The following ELL2 variants were observed in gnomAD, a reference collection of about 807,000 sequenced individuals.
ELL2 encodes the protein elongation factor for RNA polymerase II 2.
Under a neutral mutation model 72.8 loss-of-function variants are expected in ELL2, and 21 were observed. The ratio of observed to expected loss-of-function variants is 0.29; its 90% confidence interval spans 0.20 to 0.42. The LOEUF is 0.42. Ranked by LOEUF, ELL2 falls within the 10% of genes least tolerant of loss-of-function variation. The pLI, the probability that ELL2 is intolerant of heterozygous loss-of-function variation, is 1.00. For missense variants in ELL2, 568 were observed against 772.8 expected, an observed-to-expected ratio of 0.73 and a Z score of 3.14; for synonymous variants, 266 against 283.2, an observed-to-expected ratio of 0.94 and a Z score of 0.61.
At chr5:95,912,501 G>A (rs879668010) in intron 4 of ELL2, among the ~76,000 whole-genome samples, 2 of 152,186 alleles carry the variant, frequency 1.3e-5, no homozygotes, top group African/African-American at 2.4e-5. Flanking sequence ...GGTAGATCTT[G>A]TGTGTTTTAA....
At chr5:95,907,796 G>A (rs1272139359) in intron 4 of ELL2, among the ~76,000 whole-genome samples, 1 of 152,182 alleles carries the variant, frequency 6.6e-6, no homozygotes, top group Non-Finnish European at 1.5e-5. Context: ...CATACGATGT[G>A]GACAAGTGCA....
At chr5:95,907,865 G>A (rs548136061) in intron 4 of ELL2, among the ~76,000 whole-genome samples, 9 of 152,316 alleles carry the variant, frequency 5.9e-5, no homozygotes, top group Non-Finnish European at 8.8e-5. Context: ...CCTATAAGCT[G>A]TGGTCTGGGG....
intron 5 of ELL2, among the ~76,000 whole-genome samples, chr5:95,905,634 CA>C (rs1749326404): frequency 6.6e-6 from 1 of 151,938 alleles, no homozygotes; most frequent in African/African-American, 2.4e-5. Context: ...GAATTGGAGA[CA>C]ATGGTCTTAC....
Position 95,907,296 on chromosome 5 carries a change from A to ATATTTTTTTTTTT in ELL2, c.482-515_482-514insAAAAAAAAAAATA. On this transcript the variant is annotated intron_variant, in intron 4 of 11. Coordinates refer to ENST00000237853, the MANE Select transcript of ELL2 (RefSeq NM_012081.6). ...GTTAGTGATATATATATATATATAT[A>ATATTTTTTTTTTT]TTTTTTTTTTTTACAGGCCAAGACA... is the stretch of plus-strand genomic sequence containing the variant. Among the ~76,000 whole-genome samples the ATATTTTTTTTTTT allele has an allele frequency of 3.9e-3, 455 of 116,398 alleles. 7 individuals are homozygous for ATATTTTTTTTTTT. Among genetic ancestry groups the ATATTTTTTTTTTT allele is most frequent in the African/African-American group, 0.018 (437 of 24,430 alleles). 76.4% of individuals were successfully genotyped at this position (116,398 alleles called of 152,430 possible).
chr5:95,927,230 A>G (rs1750315468), intron 2 of ELL2, among the ~76,000 whole-genome samples: 1 of 151,430 alleles, frequency 6.6e-6, no homozygotes. Flanking sequence ...TGGATCTGGG[A>G]TGTATTTTGC....
chr5:95,936,293 CTTCTT>C (rs774665973), intron 2 of ELL2, among the ~76,000 whole-genome samples: 1 of 152,202 alleles, frequency 6.6e-6, no homozygotes, highest in Non-Finnish European at 1.5e-5. Flanking sequence ...AGTCATGAAG[CTTCTT>C]TTGAGAAGAG....
chr5:95,935,799 A>C (rs992196526), intron 2 of ELL2, among the ~76,000 whole-genome samples: 1 of 152,222 alleles, frequency 6.6e-6, no homozygotes, highest in African/African-American at 2.4e-5. Flanking sequence ...TCAAGTAATA[A>C]ATACAGAGCC....
At chr5:95,958,251 A>G (rs1299743367) in intron 1 of ELL2, among the ~76,000 whole-genome samples, 5 of 152,236 alleles carry the variant, frequency 3.3e-5, no homozygotes, top group Non-Finnish European at 7.3e-5. Context: ...CATGTTCCCA[A>G]ACAGCAGCTT....
chr5:95,957,076 G>T (rs1279404488), intron 1 of ELL2, among the ~76,000 whole-genome samples: 1 of 152,146 alleles, frequency 6.6e-6, no homozygotes, highest in East Asian at 1.9e-4. Flanking sequence ...TTATGTAATA[G>T]TCAGCAAACA....
At chr5:95,951,665 T>C (rs1426837887) in intron 1 of ELL2, among the ~76,000 whole-genome samples, 2 of 152,032 alleles carry the variant, frequency 1.3e-5, no homozygotes, top group African/African-American at 2.4e-5. Context: ...AAGGGAGCCA[T>C]TGGGGACTTG....
chr5:95,948,478 C>G (rs1292627027), intron 1 of ELL2, among the ~76,000 whole-genome samples: 3 of 133,298 alleles, frequency 2.3e-5, no homozygotes, highest in Non-Finnish European at 4.7e-5. Flanking sequence ...CAGAACTCTA[C>G]ACCACTTATT....
intron 4 of ELL2, among the ~76,000 whole-genome samples, chr5:95,910,423 C>T (rs941686943): frequency 3.3e-5 from 5 of 151,646 alleles, no homozygotes; most frequent in Non-Finnish European, 5.9e-5. Flanking sequence ...CTTAAAATAT[C>T]GGTGAATTAG....
rs943686464 is a variant in ELL2 at position 95,906,747 on chromosome 5, C to G, written c.517G>C (p.Val173Leu). ...RVQIRKAPQA[V>L]SDTVPERKRS... ...TTCCTCTCAGGAACTGTATCTGAAA[C>G]AGCTTGAGGTGCTTTCCGAATTTGC... is the stretch of plus-strand genomic sequence containing the variant. Residue 173 changes from valine to leucine, a missense_variant, in exon 5 of 12, where the codon GTT becomes CTT. By Grantham distance (32) the Val-to-Leu change is conservative. Transcript: ENST00000237853. 6 of 1,613,166 alleles carry G rather than the reference C, an allele frequency of 3.7e-6. No individual in the cohort carries two copies. Among genetic ancestry groups the G allele is most frequent in the Non-Finnish European group, 5.1e-6 (6 of 1,179,528 alleles).
rs572461947 is a variant in ELL2, at chr5:95,906,764, C to G, written c.500G>C (p.Arg167Pro). 3.7e-5 allele frequency: 59 copies of G among 1,610,698 alleles called. No homozygotes were observed. The highest frequency in any genetic ancestry group is 4.9e-5 in the Non-Finnish European group (58 of 1,177,998). Residue 167 changes from arginine (R) to proline (P), a missense_variant, in exon 5 of 12, where the codon CGG becomes CCG. Physicochemically the swap from Arg to Pro is moderately radical, Grantham distance 103. This residue lies in a region of ELL2 where 511 missense variants were observed against 728.4 expected (regional missense o/e 0.70). Transcript: ENST00000237853. Reference sequence around the variant, plus strand: ...ATCTGAAACAGCTTGAGGTGCTTTCCGAATTTGCACTCTTTTCCCTAAAGT... The same window carrying G: ...ATCTGAAACAGCTTGAGGTGCTTTCGGAATTTGCACTCTTTTCCCTAAAGT... Reference protein sequence around the residue: ...GPYVGKRVQIRKAPQAVSDTV... With the variant: ...GPYVGKRVQIPKAPQAVSDTV...
chr5:95,900,970 C>T lies in ELL2; in HGVS notation c.852G>A (p.Glu284=). 6.2e-7 allele frequency: 1 copy of T among 1,604,004 alleles called. No homozygotes were observed. The highest frequency in any genetic ancestry group is 8.5e-7 in the Non-Finnish European group (1 of 1,177,542). ...AAAGAATTCACCTAGAGAGCACTGA[C>T]TCCAATGACCGTCTGTCTATTTCAC... ...GYSEIDRRSL[E]SVLSRKLNPS... is the part of the protein sequence containing the mutation. The change falls in exon 6 of 12, where the codon GAG becomes GAA. Residue 284 remains glutamate (E), a synonymous_variant. Coordinates refer to ENST00000237853, the MANE Select transcript of ELL2 (RefSeq NM_012081.6).
At chr5:95,956,280 G>A (rs1401298594) in intron 1 of ELL2, among the ~76,000 whole-genome samples, 2 of 152,194 alleles carry the variant, frequency 1.3e-5, no homozygotes, top group African/African-American at 4.8e-5. Context: ...TTGAGCAACT[G>A]GGCATCTGAA....
At chr5:95,927,316 A>C (rs904903543) in intron 2 of ELL2, among the ~76,000 whole-genome samples, 2 of 148,778 alleles carry the variant, frequency 1.3e-5, no homozygotes, top group Admixed American at 1.3e-4. Flanking sequence ...ACTCCAGGGT[A>C]TTTTGCCTGG....
chr5:95,960,108 C>T (rs1417586541), intron 1 of ELL2, among the ~76,000 whole-genome samples: 1 of 151,926 alleles, frequency 6.6e-6, no homozygotes, highest in Non-Finnish European at 1.5e-5. Flanking sequence ...CAACAGATGT[C>T]AATTCTTTTC....
intron 8 of ELL2, among the ~76,000 whole-genome samples, chr5:95,897,312 A>G (rs1162322505): frequency 6.6e-6 from 1 of 152,254 alleles, no homozygotes; most frequent in Non-Finnish European, 1.5e-5. Context: ...AATTTTTCCA[A>G]AGCCATATTT....
Sources: gnomAD v4.1 joint callset for allele counts (sites outside exome capture counted in the v4.1 genomes callset) on GRCh38, gnomAD v4.1.1 for gene constraint, gnomAD v4.1.1 regional missense constraint, MANE v1.5 for transcripts, NCBI Gene and HGNC (gene_info 2026-07-23, HGNC 2026-07-21) for gene names.